The following SMOC1 variants were observed in gnomAD, a reference collection of about 807,000 sequenced individuals.
SMOC1 encodes the protein SPARC related modular calcium binding 1, also known as SPARC-related modular calcium-binding protein 1.
Under a neutral mutation model 56.3 loss-of-function variants are expected in SMOC1, and 22 were observed. The ratio of observed to expected loss-of-function variants is 0.39; its 90% confidence interval spans 0.28 to 0.56. The LOEUF (loss-of-function observed/expected upper bound fraction) is 0.56, where lower values mean the gene tolerates loss of function less well. Among genes scored for constraint, SMOC1 ranks in the 20% least tolerant of loss-of-function variants. The pLI is 0.61. For missense variants in SMOC1, 509 were observed against 565.4 expected, an observed-to-expected ratio of 0.90 and a Z score of 1.01; for synonymous variants, 193 against 215.0, an observed-to-expected ratio of 0.90 and a Z score of 0.89.
At chr14:69,977,728 C>T (rs893932774) in intron 4 of SMOC1, among the ~76,000 whole-genome samples, 190 bp from the exon 5 acceptor site, 8 of 152,154 alleles carry the variant, frequency 5.3e-5, no homozygotes, top group African/African-American at 1.9e-4. Context: ...TTATCAGTGA[C>T]ATTGATGTTA....
At chr14:69,977,771 A>G in intron 4 of SMOC1, 147 bp from the exon 5 acceptor site, 1 of 728,226 alleles carries the variant, frequency 1.4e-6, no homozygotes. Context: ...TATATGTACT[A>G]ACATTGTATA....
intron 5 of SMOC1, among the ~76,000 whole-genome samples, chr14:69,984,231 C>T (rs762068099): frequency 6.6e-5 from 10 of 152,074 alleles, no homozygotes; most frequent in Non-Finnish European, 8.8e-5. Context: ...ATTAACAAAT[C>T]GACCCCAAAG....
intron 3 of SMOC1, among the ~76,000 whole-genome samples, chr14:69,965,295 C>T (rs545013638): frequency 1.3e-4 from 19 of 151,872 alleles, no homozygotes; most frequent in Admixed American, 7.9e-4. Context: ...GCAGGAGAAT[C>T]GCTTGAACCC....
chr14:69,998,023 G>T (rs1177715175), intron 7 of SMOC1, among the ~76,000 whole-genome samples: 1 of 152,118 alleles, frequency 6.6e-6, no homozygotes, highest in Admixed American at 6.5e-5. Context: ...TTGTTTTCTG[G>T]CCTGGGGATT....
At position 69,919,573 on chromosome 14, in the gene SMOC1, G is replaced by A. The variant is rs527252839; in HGVS notation, c.100-32565G>A. 5.7e-4 allele frequency among the ~76,000 whole-genome samples: 87 copies of A among 152,362 alleles called. 2 individuals are homozygous for A. Among genetic ancestry groups the A allele is most frequent in the Non-Finnish European group, 9.4e-4 (64 of 68,034 alleles). On this transcript the variant is annotated intron_variant, in intron 1 of 11. Coordinates refer to ENST00000361956, the MANE Select transcript of SMOC1 (RefSeq NM_001034852.3). ...GTTATGGACCTGCAGAAGAAATGGA[G>A]GTATTAAACTTGACAAAACCCATAA...
intron 10 of SMOC1, among the ~76,000 whole-genome samples, chr14:70,021,833 G>A (rs1288553339): frequency 6.6e-6 from 1 of 152,136 alleles, no homozygotes; most frequent in African/African-American, 2.4e-5. Flanking sequence ...CTCCCTTCTG[G>A]AAAACTCAGC....
chr14:69,941,206 A>G (rs1882547154), intron 1 of SMOC1, among the ~76,000 whole-genome samples: 1 of 152,150 alleles, frequency 6.6e-6, no homozygotes, highest in South Asian at 2.1e-4. Context: ...GATATTCTCC[A>G]TGGGCAGCAA....
intron 9 of SMOC1, among the ~76,000 whole-genome samples, chr14:70,012,013 TAGGC>T (rs1885358341): frequency 6.6e-6 from 1 of 152,196 alleles, no homozygotes; most frequent in Non-Finnish European, 1.5e-5. Flanking sequence ...ACAAGACACA[TAGGC>T]AGGGCCCTGG....
intron 3 of SMOC1, among the ~76,000 whole-genome samples, chr14:69,963,976 G>A (rs1037916916): frequency 2.0e-5 from 3 of 152,136 alleles, no homozygotes; most frequent in Admixed American, 6.5e-5. Context: ...GATGGAGCAC[G>A]CTTTGTGCTC....
At chr14:69,897,522 T>C (rs1034861406) in intron 1 of SMOC1, among the ~76,000 whole-genome samples, 6 of 152,162 alleles carry the variant, frequency 3.9e-5, no homozygotes, top group African/African-American at 1.4e-4. Flanking sequence ...TAATTGAGCA[T>C]TTTTAATGAT....
intron 8 of SMOC1, 37 bp from the exon 9 acceptor site, chr14:70,011,448 G>GCCCCCCCCCC: frequency 7.4e-7 from 1 of 1,356,896 alleles, no homozygotes; most frequent in Non-Finnish European, 1.0e-6. Flanking sequence ...TCAGTTGCCA[G>GCCCCCCCCCC]CCCCTCCCAA....
At chr14:69,892,908 T>C (rs61980569) in intron 1 of SMOC1, among the ~76,000 whole-genome samples, 16,222 of 152,284 alleles carry the variant, frequency 0.11, 1,107 homozygotes, top group African/African-American at 0.19. Flanking sequence ...TATGCTATTC[T>C]GTTTCTTCGA....
At chr14:69,962,954 A>G (rs749248331) in intron 3 of SMOC1, among the ~76,000 whole-genome samples, 19 of 151,900 alleles carry the variant, frequency 1.3e-4, no homozygotes, top group Non-Finnish European at 2.1e-4. Flanking sequence ...TTTCATGTGT[A>G]TATTCGGTTG....
chr14:69,940,725 A>G (rs1594813525), intron 1 of SMOC1, among the ~76,000 whole-genome samples: 1 of 152,146 alleles, frequency 6.6e-6, no homozygotes, highest in South Asian at 2.1e-4. Context: ...CCTTGTTAAT[A>G]CCATCAGCTT....
At chr14:70,008,208 C>T (rs1358728482) in intron 7 of SMOC1, among the ~76,000 whole-genome samples, 1 of 152,118 alleles carries the variant, frequency 6.6e-6, no homozygotes, top group African/African-American at 2.4e-5. Context: ...TGGCTCACTG[C>T]AGCCTCAACC....
chr14:70,005,793 C>A (rs939899702), intron 7 of SMOC1, among the ~76,000 whole-genome samples: 2 of 152,180 alleles, frequency 1.3e-5, no homozygotes, highest in Non-Finnish European at 2.9e-5. Flanking sequence ...TGTGGCCATG[C>A]ATTTCCATGC....
intron 1 of SMOC1, among the ~76,000 whole-genome samples, chr14:69,946,343 C>T (rs865842464): frequency 1.3e-5 from 2 of 152,272 alleles, no homozygotes; most frequent in African/African-American, 4.8e-5. Flanking sequence ...ATCAAGTATC[C>T]ATCCTACTTT....
intron 1 of SMOC1, among the ~76,000 whole-genome samples, chr14:69,908,229 C>T (rs1051206657): frequency 6.6e-6 from 1 of 152,146 alleles, no homozygotes; most frequent in Non-Finnish European, 1.5e-5. Context: ...CACACCAAAA[C>T]GTTGATCTGG....
intron 11 of SMOC1, among the ~76,000 whole-genome samples, chr14:70,028,686 G>A (rs938128399): frequency 6.6e-6 from 1 of 152,210 alleles, no homozygotes; most frequent in African/African-American, 2.4e-5. Flanking sequence ...AGCAAGGAGA[G>A]AAGCAGCTGC....
Sources: allele counts gnomAD v4.1 joint callset (sites outside exome capture counted in the v4.1 genomes callset), GRCh38; gene constraint gnomAD v4.1.1; transcripts MANE v1.5; gene names NCBI Gene and HGNC (gene_info 2026-07-23, HGNC 2026-07-21).